SNTG2: variants seen among roughly 807,000 people sequenced by gnomAD.
The protein encoded by SNTG2 is syntrophin gamma 2.
In SNTG2, 74 loss-of-function variants were observed where a neutral mutation model predicts 70.9. The observed-to-expected ratio is 1.04, with a 90% CI of 0.86 to 1.27. SNTG2 has a LOEUF of 1.27. Ranked by LOEUF, SNTG2 falls within the 50% of genes most tolerant of loss-of-function variation. The pLI is 0.00. For missense variants in SNTG2, 717 were observed against 690.7 expected (o/e 1.04, Z -0.43); for synonymous variants, 278 against 273.8 (o/e 1.02, Z -0.15).
intron 6 of SNTG2, among the ~76,000 whole-genome samples, chr2:1,150,538 G>C (rs1669410010): frequency 6.6e-6 from 1 of 152,100 alleles, no homozygotes; most frequent in African/African-American, 2.4e-5. Flanking sequence ...ATGGCCAGGA[G>C]GACAGAGCAG....
chr2:1,071,876 A>T (rs957675034), intron 1 of SNTG2, among the ~76,000 whole-genome samples: 2 of 152,218 alleles, frequency 1.3e-5, no homozygotes, highest in Non-Finnish European at 2.9e-5. Flanking sequence ...GCCAGGATAG[A>T]TCAAACCAGC....
At chr2:1,289,083 C>T (rs1046883167) in intron 14 of SNTG2, among the ~76,000 whole-genome samples, 4 of 152,060 alleles carry the variant, frequency 2.6e-5, no homozygotes, top group African/African-American at 9.7e-5. Context: ...TCTCTGCCAT[C>T]ATCTCTGCTT....
At chr2:1,266,857 C>T (rs555228127) in intron 13 of SNTG2, among the ~76,000 whole-genome samples, 2 of 148,470 alleles carry the variant, frequency 1.3e-5, no homozygotes, top group East Asian at 2.0e-4. Flanking sequence ...GGGCTCAAGC[C>T]GTTCTACTAC....
intron 1 of SNTG2, among the ~76,000 whole-genome samples, chr2:1,043,009 C>T (rs796868642): frequency 2.6e-5 from 4 of 152,274 alleles, no homozygotes; most frequent in African/African-American, 9.6e-5. Context: ...TGTACCCTTT[C>T]CTCTACAACT....
chr2:1,048,496 G>A (rs1399026244), intron 1 of SNTG2, among the ~76,000 whole-genome samples: 4 of 152,080 alleles, frequency 2.6e-5, no homozygotes, highest in African/African-American at 9.7e-5. Context: ...ATTTTATGAT[G>A]TATATCCACA....
At chr2:1,184,261 A>C (rs1231233282) in intron 8 of SNTG2, among the ~76,000 whole-genome samples, 2 of 152,214 alleles carry the variant, frequency 1.3e-5, no homozygotes, top group Non-Finnish European at 2.9e-5. Flanking sequence ...TTTAGGCCCC[A>C]AGTTATCCGT....
chr2:1,269,813 C>A (rs1208262175), intron 14 of SNTG2, among the ~76,000 whole-genome samples: 1 of 152,132 alleles, frequency 6.6e-6, no homozygotes, highest in Non-Finnish European at 1.5e-5. Flanking sequence ...TAATGAAGAC[C>A]TTTCGTGGGG....
intron 9 of SNTG2, among the ~76,000 whole-genome samples, chr2:1,224,606 TAC>T (rs1189691490): frequency 6.6e-6 from 1 of 152,000 alleles, no homozygotes; most frequent in Non-Finnish European, 1.5e-5. Context: ...GAGGAGGAGG[TAC>T]AGACAGAACC....
Position 1,090,119 on chromosome 2 carries a change from G to A in SNTG2, c.210+6464G>A, listed in dbSNP as rs550188994. Among the ~76,000 whole-genome samples, 29 of 152,208 alleles carry A rather than the reference G, an allele frequency of 1.9e-4. No homozygotes were observed. The South Asian group carries it at 6.0e-3, about 32-fold the overall frequency. On this transcript the variant is annotated intron_variant, in intron 2 of 16. Transcript: ENST00000308624. ...GCCATTAGGTGCTCATTTTGCAAAC[G>A]TTATGCTTTTTAAATGGATCTACAA...
At chr2:1,193,109 CA>C (rs1672700588) in intron 8 of SNTG2, among the ~76,000 whole-genome samples, 1 of 152,232 alleles carries the variant, frequency 6.6e-6, no homozygotes, top group Non-Finnish European at 1.5e-5. Flanking sequence ...GGCCCCATTA[CA>C]TAGTCTGCAG....
intron 16 of SNTG2, among the ~76,000 whole-genome samples, chr2:1,363,923 G>A (rs4308156): frequency 0.72 from 109,756 of 152,050 alleles, 39,909 homozygotes; most frequent in East Asian, 0.94. Flanking sequence ...GAGTTTTAGT[G>A]TGGAATTTAG....
intron 1 of SNTG2, among the ~76,000 whole-genome samples, chr2:981,459 A>G (rs1661092062): frequency 6.6e-6 from 1 of 152,002 alleles, no homozygotes; most frequent in African/African-American, 2.4e-5. Flanking sequence ...ACAAATGCAT[A>G]TGCACACATG....
intron 1 of SNTG2, among the ~76,000 whole-genome samples, chr2:1,055,155 A>G (rs1343527178): frequency 3.9e-5 from 6 of 152,230 alleles, no homozygotes; most frequent in Non-Finnish European, 7.3e-5. Context: ...CGTGGCCCTG[A>G]CTGCAGGGAG....
chr2:1,214,773 G>T (rs1674271165), intron 9 of SNTG2, among the ~76,000 whole-genome samples: 1 of 152,068 alleles, frequency 6.6e-6, no homozygotes, highest in Non-Finnish European at 1.5e-5. Context: ...GTACTATGTT[G>T]TATAGATGTG....
chr2:1,217,598 C>A (rs1168404370), intron 9 of SNTG2, among the ~76,000 whole-genome samples: 17 of 152,200 alleles, frequency 1.1e-4, no homozygotes, highest in Admixed American at 1.1e-3. Context: ...TCACAGGTAA[C>A]TTAGCATAAC....
At chr2:1,320,260 C>T (rs1479934388) in intron 16 of SNTG2, among the ~76,000 whole-genome samples, 1 of 151,992 alleles carries the variant, frequency 6.6e-6, no homozygotes, top group East Asian at 1.9e-4. Flanking sequence ...ATTGGCCGGG[C>T]ATGGTGGCTC....
At chr2:1,029,360 C>T (rs1443242835) in intron 1 of SNTG2, among the ~76,000 whole-genome samples, 1 of 152,146 alleles carries the variant, frequency 6.6e-6, no homozygotes, top group Non-Finnish European at 1.5e-5. Flanking sequence ...ATACTTGACA[C>T]TTGATTAAAC....
At chr2:965,595 T>C (rs1422149899) in intron 1 of SNTG2, among the ~76,000 whole-genome samples, 2 of 151,746 alleles carry the variant, frequency 1.3e-5, no homozygotes, top group Admixed American at 1.3e-4. Flanking sequence ...GGCCCCCTCC[T>C]CCTCCGTTGC....
intron 4 of SNTG2, among the ~76,000 whole-genome samples, chr2:1,103,778 G>A (rs1011386520): frequency 3.3e-5 from 5 of 152,128 alleles, no homozygotes; most frequent in African/African-American, 4.8e-5. Context: ...GATTGCAGGC[G>A]CACACTCATT....
Sources: gnomAD v4.1 joint callset for allele counts (sites outside exome capture counted in the v4.1 genomes callset) on GRCh38, gnomAD v4.1.1 for gene constraint, MANE v1.5 for transcripts, NCBI Gene and HGNC (gene_info 2026-07-23, HGNC 2026-07-21) for gene names.